The following RORA variants were observed in gnomAD, a reference collection of about 807,000 sequenced individuals.
RORA encodes the protein RAR related orphan receptor A.
Under a neutral mutation model 69.5 loss-of-function variants are expected in RORA, and 7 were observed. That is an observed-to-expected ratio of 0.10 (90% confidence interval 0.06 to 0.19). The LOEUF is 0.19. Among genes scored for constraint, RORA ranks in the 10% least tolerant of loss-of-function variants. RORA has a pLI of 1.00. For synonymous variants in RORA, 261 were observed against 240.8 expected (o/e 1.08, Z -0.78); for missense variants, 457 against 663.0 (o/e 0.69, Z 3.41).
intron 1 of RORA, among the ~76,000 whole-genome samples, chr15:60,731,884 T>C (rs1231642805): frequency 2.0e-5 from 3 of 152,210 alleles, no homozygotes; most frequent in Admixed American, 2.0e-4. Flanking sequence ...TCAGCGTTCT[T>C]TTTCAGCCAA....
chr15:61,188,323 T>G (rs1407614308), intron 1 of RORA, among the ~76,000 whole-genome samples: 1 of 152,182 alleles, frequency 6.6e-6, no homozygotes, highest in Admixed American at 6.5e-5. Flanking sequence ...AACAAGTAGG[T>G]GTGGCTGTGT....
chr15:60,964,455 G>A lies in RORA; in HGVS notation c.166+264598C>T. Among the ~76,000 whole-genome samples, 2 of 152,146 alleles carry A rather than the reference G, an allele frequency of 1.3e-5. 1 individual carries two copies. The highest frequency in any genetic ancestry group is 2.9e-5 in the Non-Finnish European group (2 of 68,024). On this transcript the variant is annotated intron_variant, in intron 1 of 10. Transcript: ENST00000335670. ...CTCTGAAAAGAATGAGTCTTGAGAGGAATAGTGTGAGGGTGGGGATGGAGC... is the reference window on the plus strand; with the variant it reads ...CTCTGAAAAGAATGAGTCTTGAGAGAAATAGTGTGAGGGTGGGGATGGAGC...
intron 1 of RORA, among the ~76,000 whole-genome samples, chr15:60,837,118 C>T (rs956144807): frequency 1.3e-4 from 19 of 151,932 alleles, no homozygotes; most frequent in African/African-American, 4.4e-4. Flanking sequence ...GAGATCCTCC[C>T]ACCTCAGCCT....
At chr15:61,186,260 A>G (rs1345579939) in intron 1 of RORA, among the ~76,000 whole-genome samples, 1 of 152,158 alleles carries the variant, frequency 6.6e-6, no homozygotes, top group African/African-American at 2.4e-5. Flanking sequence ...CTAAAAAGCA[A>G]ACATCATCCA....
At chr15:60,701,490 G>A (rs992236520) in intron 1 of RORA, among the ~76,000 whole-genome samples, 4 of 152,122 alleles carry the variant, frequency 2.6e-5, no homozygotes, top group South Asian at 2.1e-4. Context: ...TTTAGTGTCC[G>A]GTGAACAAAG....
At chr15:61,163,345 G>A (rs569935196) in intron 1 of RORA, among the ~76,000 whole-genome samples, 13 of 152,220 alleles carry the variant, frequency 8.5e-5, no homozygotes, top group Admixed American at 4.6e-4. Flanking sequence ...AGCGATCAGC[G>A]TCATGATGAG....
intron 2 of RORA, chr15:60,650,809 T>C (rs150067072): frequency 6.6e-6 from 1 of 152,350 alleles, no homozygotes; most frequent in Admixed American, 6.5e-5. Context: ...ATTTTTGTTT[T>C]ATAAATCTAT....
chr15:60,946,853 A>G (rs1211891125), intron 1 of RORA, among the ~76,000 whole-genome samples: 1 of 147,040 alleles, frequency 6.8e-6, no homozygotes, highest in Non-Finnish European at 1.5e-5. Flanking sequence ...CCATCGTCTG[A>G]GATGTGGGGA....
chr15:61,110,759 C>T (rs1432287104), intron 1 of RORA, among the ~76,000 whole-genome samples: 1 of 152,222 alleles, frequency 6.6e-6, no homozygotes, highest in African/African-American at 2.4e-5. Context: ...TAAATTTCTA[C>T]TCATCCTTCT....
intron 2 of RORA, among the ~76,000 whole-genome samples, chr15:60,577,238 T>G (rs184861069): frequency 6.6e-6 from 1 of 152,210 alleles, no homozygotes; most frequent in Non-Finnish European, 1.5e-5. Flanking sequence ...TAAAGCCCCT[T>G]CTATTGTTAC....
chr15:61,121,243 G>A, intron 1 of RORA, among the ~76,000 whole-genome samples: 1 of 152,212 alleles, frequency 6.6e-6, no homozygotes, highest in Admixed American at 6.5e-5. Flanking sequence ...AAGGCTCAGA[G>A]AGGTCACTGT....
At position 61,055,420 on chromosome 15, in the gene RORA, A is replaced by G. The variant is rs527770563; in HGVS notation, c.166+173633T>C. Among the ~76,000 whole-genome samples, 3 of 152,276 alleles carry G rather than the reference A, an allele frequency of 2.0e-5. No individual in the cohort carries two copies. The South Asian group carries it at 6.2e-4, about 32-fold the overall frequency. The stretch of plus-strand genomic sequence containing the variant: ...TTTATTTTTTGGCTAATGTTTACAG[A>G]GTGCCTTAAGCTGTTCAGCAAAAAT... On this transcript the variant is annotated intron_variant, in intron 1 of 10. Coordinates refer to ENST00000335670, the MANE Select transcript of RORA (RefSeq NM_134261.3).
chr15:61,188,312 C>T (rs921690476), intron 1 of RORA, among the ~76,000 whole-genome samples: 1 of 152,284 alleles, frequency 6.6e-6, no homozygotes, highest in Non-Finnish European at 1.5e-5. Flanking sequence ...GGCAATGTGT[C>T]AACAAGTAGG....
intron 1 of RORA, among the ~76,000 whole-genome samples, chr15:60,789,968 C>A (rs1030874483): frequency 1.3e-5 from 2 of 152,230 alleles, no homozygotes; most frequent in Non-Finnish European, 2.9e-5. Context: ...CTAAGCAGCA[C>A]AGCAGCCTAT....
rs193268400 is a variant in RORA at position 60,844,897 on chromosome 15, T to C, written c.167-166211A>G. On this transcript the variant is annotated intron_variant, in intron 1 of 10. Transcript: ENST00000335670. ...AGAATGTGCAGGAAGCCAAGGTAACTGGGCAACACATAATGAAACGGTTTG... is the reference window on the plus strand; with the variant it reads ...AGAATGTGCAGGAAGCCAAGGTAACCGGGCAACACATAATGAAACGGTTTG... 1.3e-3 allele frequency among the ~76,000 whole-genome samples: 205 copies of C among 152,302 alleles called. 2 individuals are homozygous for C. The highest frequency in any genetic ancestry group is 4.1e-4 in the Non-Finnish European group (28 of 68,038).
At chr15:61,210,672 G>A (rs1020788550) in intron 1 of RORA, among the ~76,000 whole-genome samples, 6 of 152,096 alleles carry the variant, frequency 3.9e-5, no homozygotes, top group African/African-American at 9.7e-5. Context: ...AGATACACAC[G>A]CATTTTTTAA....
At chr15:60,507,107 C>G (rs906291109) in intron 5 of RORA, among the ~76,000 whole-genome samples, 1 of 151,636 alleles carries the variant, frequency 6.6e-6, no homozygotes, top group South Asian at 2.1e-4. Flanking sequence ...AATCTAGATG[C>G]CAGGAACTAA....
intron 1 of RORA, among the ~76,000 whole-genome samples, chr15:60,872,991 T>C (rs2073573397): frequency 6.6e-6 from 1 of 152,174 alleles, no homozygotes; most frequent in African/African-American, 2.4e-5. Flanking sequence ...ATTCCTTTAT[T>C]TATGGGCTCC....
chr15:60,554,680 A>C (rs886306869), intron 2 of RORA, among the ~76,000 whole-genome samples: 2 of 152,206 alleles, frequency 1.3e-5, no homozygotes, highest in Non-Finnish European at 2.9e-5. Flanking sequence ...AGAAACATTC[A>C]GGATGCGAAA....
Sources: gnomAD v4.1 joint callset for allele counts (sites outside exome capture counted in the v4.1 genomes callset) on GRCh38, gnomAD v4.1.1 for gene constraint, MANE v1.5 for transcripts, NCBI Gene and HGNC (gene_info 2026-07-23, HGNC 2026-07-21) for gene names.